The following CPS1 variants were observed in gnomAD, a reference collection of about 807,000 sequenced individuals.
The protein encoded by CPS1 is carbamoyl-phosphate synthase 1, also known as carbamoyl-phosphate synthase [ammonia], mitochondrial.
In CPS1, 109 loss-of-function variants were observed where a neutral mutation model predicts 174.6. The ratio of observed to expected loss-of-function variants is 0.62; its 90% CI spans 0.53 to 0.73. The LOEUF (loss-of-function observed/expected upper bound fraction) is 0.73. Among genes scored for constraint, CPS1 ranks in the 30% least tolerant of loss-of-function variants. CPS1 has a pLI of 0.00. For missense variants in CPS1, 1,689 were observed against 1,821.9 expected (o/e 0.93, Z 1.33); for synonymous variants, 637 against 632.0 (o/e 1.01, Z -0.12).
At chr2:210,670,099 TGAAAA>T (rs1701247594) in intron 34 of CPS1, among the ~76,000 whole-genome samples, 1 of 152,168 alleles carries the variant, frequency 6.6e-6, no homozygotes. Context: ...AGCTGGCTAT[TGAAAA>T]TCTACCTTTC....
At chr2:210,511,027 C>G (rs1250828275) in intron 1 of CPS1, among the ~76,000 whole-genome samples, 2 of 151,514 alleles carry the variant, frequency 1.3e-5, no homozygotes, top group Non-Finnish European at 3.0e-5. Context: ...CATCCCATTA[C>G]TGGATGTATA....
At chr2:210,605,697 G>A (rs569923514) in intron 17 of CPS1, among the ~76,000 whole-genome samples, 18 of 152,000 alleles carry the variant, frequency 1.2e-4, no homozygotes, top group African/African-American at 3.4e-4. Context: ...TAAATTTGGG[G>A]TGTGAGCAGA....
intron 1 of CPS1, among the ~76,000 whole-genome samples, chr2:210,512,320 A>G (rs1258782815): frequency 6.6e-6 from 1 of 151,748 alleles, no homozygotes; most frequent in East Asian, 1.9e-4. Flanking sequence ...TAGTGGGCAT[A>G]GTACCCAACA....
chr2:210,536,320 C>CTTTT (rs1440042501), intron 1 of CPS1, among the ~76,000 whole-genome samples: 3 of 125,192 alleles, frequency 2.4e-5, no homozygotes, highest in East Asian at 2.2e-4. Context: ...TGTTTAGGTA[C>CTTTT]TTTTTTTTTT....
upstream of CPS1, chr2:210,555,650 C>G: frequency 2.2e-6 from 1 of 455,480 alleles, no homozygotes; most frequent in Non-Finnish European, 4.4e-6. Context: ...ATGAGAAGAC[C>G]TAGGTATGAG....
chr2:210,564,368 TA>T (rs545902029), intron 1 of CPS1, among the ~76,000 whole-genome samples: 4 of 152,078 alleles, frequency 2.6e-5, no homozygotes, highest in Non-Finnish European at 5.9e-5. Flanking sequence ...ACATTAAATT[TA>T]GTTAACAATG....
chr2:210,576,115 T>C (rs1697701439), intron 2 of CPS1, among the ~76,000 whole-genome samples: 1 of 152,122 alleles, frequency 6.6e-6, no homozygotes, highest in Non-Finnish European at 1.5e-5. Context: ...ATAAAACTTA[T>C]ATGAAAATAT....
At chr2:210,549,448 T>A (rs538374436) in intron 1 of CPS1, among the ~76,000 whole-genome samples, 26 of 152,080 alleles carry the variant, frequency 1.7e-4, no homozygotes, top group Non-Finnish European at 2.5e-4. Context: ...GTTGTAGGCA[T>A]ATTTAGACCA....
chr2:210,559,335 A>G (rs1697023994), intron 1 of CPS1, among the ~76,000 whole-genome samples: 1 of 152,026 alleles, frequency 6.6e-6, no homozygotes, highest in Non-Finnish European at 1.5e-5. Context: ...CTTTTTCGAC[A>G]TATTTAGAGG....
chr2:210,512,296 T>C (rs1228704292), intron 1 of CPS1, among the ~76,000 whole-genome samples: 1 of 151,928 alleles, frequency 6.6e-6, no homozygotes, highest in Non-Finnish European at 1.5e-5. Flanking sequence ...ATACAAATGA[T>C]ACCATCACCC....
intron 1 of CPS1, among the ~76,000 whole-genome samples, chr2:210,514,904 T>A (rs1415337002): frequency 2.6e-5 from 4 of 151,522 alleles, no homozygotes; most frequent in Non-Finnish European, 5.9e-5. Context: ...TTTTTAATCA[T>A]TAAGCGATGT....
chr2:210,499,527 T>G (rs1210751625), intron 1 of CPS1, among the ~76,000 whole-genome samples: 1 of 152,138 alleles, frequency 6.6e-6, no homozygotes, highest in African/African-American at 2.4e-5. Flanking sequence ...AAGACAAAAA[T>G]GCCTGTGCAG....
intron 1 of CPS1, among the ~76,000 whole-genome samples, chr2:210,563,169 T>C (rs1697161666): frequency 6.6e-6 from 1 of 152,192 alleles, no homozygotes. Context: ...GCCATAGTTG[T>C]GTTTAACCTG....
intron 1 of CPS1, 142 bp downstream of exon 1, chr2:210,557,001 C>A: frequency 1.0e-6 from 1 of 974,884 alleles, no homozygotes. Context: ...TACTGTGGAA[C>A]CTACTGACTT....
intron 1 of CPS1, among the ~76,000 whole-genome samples, chr2:210,544,759 G>A (rs1402463402): frequency 6.6e-6 from 1 of 151,954 alleles, no homozygotes; most frequent in Non-Finnish European, 1.5e-5. Flanking sequence ...CTGGGGTATG[G>A]CATTCTGAAG....
In CPS1 at chr2:210,536,021, A is replaced by T. The variant is rs554242294; in HGVS notation, c.4-20698A>T. On this transcript the variant is annotated intron_variant, in intron 1 of 38. Coordinates refer to the CPS1 transcript ENST00000430249. ...ACTTATTTGGAGAGATTACATCCAG[A>T]TGCACTCAGCTCATAAGTGACAAAG... Among the ~76,000 whole-genome samples the T allele has an allele frequency of 1.6e-4, 24 of 152,092 alleles. No individual in the cohort carries two copies. In the South Asian group the frequency reaches 5.0e-3, roughly 32 times the overall value.
intron 1 of CPS1, among the ~76,000 whole-genome samples, chr2:210,514,661 C>A (rs1370681709): frequency 6.6e-6 from 1 of 151,734 alleles, no homozygotes; most frequent in Non-Finnish European, 1.5e-5. Flanking sequence ...TATTTGGATG[C>A]CTTTTATTTC....
intron 34 of CPS1, chr2:210,673,645 T>A (rs1701397083): frequency 6.6e-6 from 1 of 152,082 alleles, no homozygotes; most frequent in Non-Finnish European, 1.5e-5. Flanking sequence ...GGAATCTAGT[T>A]TTTAGGGGGG....
At chr2:210,672,935 T>G (rs963812516) in intron 34 of CPS1, 4 of 152,214 alleles carry the variant, frequency 2.6e-5, no homozygotes, top group Non-Finnish European at 5.9e-5. Context: ...GGTCTTTTCT[T>G]AGGATTTAGA....
Sources: allele counts gnomAD v4.1 joint callset (sites outside exome capture counted in the v4.1 genomes callset), GRCh38; gene constraint gnomAD v4.1.1; transcripts MANE v1.5; gene names NCBI Gene and HGNC (gene_info 2026-07-23, HGNC 2026-07-21).